The following RELN variants were observed in gnomAD, a reference collection of about 807,000 sequenced individuals.
RELN encodes reelin.
Under a neutral mutation model 427.6 loss-of-function variants are expected in RELN, and 108 were observed. The ratio of observed to expected loss-of-function variants is 0.25; its 90% CI spans 0.22 to 0.30. The LOEUF (loss-of-function observed/expected upper bound fraction) is 0.30. Ranked by LOEUF, RELN falls within the 10% of genes least tolerant of loss-of-function variation. The pLI is 1.00. For synonymous variants in RELN, 1,524 were observed against 1,513.4 expected (o/e 1.01, Z -0.16); for missense variants, 3,715 against 4,302.8 (o/e 0.86, Z 3.82).
intron 20 of RELN, among the ~76,000 whole-genome samples, chr7:103,617,541 T>G (rs1355466181): frequency 6.6e-6 from 1 of 152,004 alleles, no homozygotes; most frequent in Admixed American, 6.6e-5. Flanking sequence ...TATATGTGTA[T>G]ATATGTGTAG....
intron 2 of RELN, among the ~76,000 whole-genome samples, chr7:103,846,722 A>T (rs778224556): frequency 6.6e-6 from 1 of 152,218 alleles, no homozygotes; most frequent in African/African-American, 2.4e-5. Context: ...AACTTAAACA[A>T]ATTTACAAGA....
At chr7:103,905,406 T>C (rs1795181057) in intron 2 of RELN, among the ~76,000 whole-genome samples, 1 of 152,200 alleles carries the variant, frequency 6.6e-6, no homozygotes, top group Admixed American at 6.5e-5. Flanking sequence ...GGACCTCTTT[T>C]CATAAGATTA....
intron 1 of RELN, among the ~76,000 whole-genome samples, chr7:103,926,026 GTAACAAA>G (rs1584373439): frequency 6.7e-6 from 1 of 149,062 alleles, no homozygotes; most frequent in East Asian, 2.0e-4. Flanking sequence ...TTGAACTCAC[GTAACAAA>G]TAACAAAGTA....
At chr7:103,473,724 CTGTTAA>C (rs1217463225) in intron 64 of RELN, among the ~76,000 whole-genome samples, 2 of 152,110 alleles carry the variant, frequency 1.3e-5, no homozygotes, top group East Asian at 3.8e-4. Flanking sequence ...GTAGTGACAG[CTGTTAA>C]TGTTTTGGTA....
chr7:103,837,175 G>C (rs1287572191), intron 2 of RELN, among the ~76,000 whole-genome samples: 2 of 151,950 alleles, frequency 1.3e-5, no homozygotes, highest in Non-Finnish European at 2.9e-5. Context: ...GGCATATCAG[G>C]ATTACTCTTC....
At chr7:103,719,781 A>G (rs542262659) in intron 8 of RELN, among the ~76,000 whole-genome samples, 2 of 152,336 alleles carry the variant, frequency 1.3e-5, no homozygotes, top group Admixed American at 6.5e-5. Flanking sequence ...GGCTACTACC[A>G]TAAATTCCAT....
At chr7:103,704,073 G>A (rs537866528) in intron 8 of RELN, among the ~76,000 whole-genome samples, 1 of 152,280 alleles carries the variant, frequency 6.6e-6, no homozygotes, top group Non-Finnish European at 1.5e-5. Flanking sequence ...CCCCCAGTTT[G>A]GGAGAAGAAA....
intron 16 of RELN, among the ~76,000 whole-genome samples, chr7:103,641,050 T>C (rs1419720997): frequency 1.3e-5 from 2 of 152,198 alleles, no homozygotes; most frequent in Admixed American, 6.6e-5. Context: ...CCGTTACATA[T>C]ATTTCTAAAT....
At position 103,749,511 on chromosome 7, in the gene RELN, G is replaced by C. The variant is rs778619925; in HGVS notation, c.578-7C>G. 1 of 1,596,644 alleles carries C rather than the reference G, an allele frequency of 6.3e-7. No individual in the cohort carries two copies. Among genetic ancestry groups the C allele is most frequent in the African/African-American group, 1.3e-5 (1 of 74,570 alleles). ...CTGTCACTATGTATTTCAGCTAAAA[G>C]AAAAAGGAAGTATTTAGGAAAGAAA... On this transcript the variant is annotated splice_polypyrimidine_tract_variant and splice_region_variant and intron_variant, in intron 5 of 64. Transcript: ENST00000428762.
intron 22 of RELN, among the ~76,000 whole-genome samples, chr7:103,605,496 A>C (rs1035233706): frequency 6.6e-6 from 1 of 152,224 alleles, no homozygotes; most frequent in Admixed American, 6.5e-5. Flanking sequence ...GAGTAATGTC[A>C]AGAAGGTGTC....
intron 37 of RELN, among the ~76,000 whole-genome samples, chr7:103,557,566 T>C (rs1345115482): frequency 6.6e-6 from 1 of 152,198 alleles, no homozygotes; most frequent in East Asian, 1.9e-4. Context: ...AATTATTTAG[T>C]TAATATGAAA....
At chr7:103,727,923 A>C (rs1389340919) in intron 7 of RELN, among the ~76,000 whole-genome samples, 188 bp downstream of exon 7, 1 of 97,948 alleles carries the variant, frequency 1.0e-5, no homozygotes, top group African/African-American at 2.8e-5. Context: ...TTATTACTGA[A>C]TTATTTATTT....
At chr7:103,899,023 TC>T (rs1173124873) in intron 2 of RELN, among the ~76,000 whole-genome samples, 2 of 151,468 alleles carry the variant, frequency 1.3e-5, no homozygotes, top group East Asian at 1.9e-4. Context: ...CAAAACTAGT[TC>T]TAAGATAGAT....
At chr7:103,751,096 T>C (rs1327323338) in intron 5 of RELN, among the ~76,000 whole-genome samples, 1 of 152,210 alleles carries the variant, frequency 6.6e-6, no homozygotes, top group Non-Finnish European at 1.5e-5. Flanking sequence ...ACTTTAACAA[T>C]GCTCTCATCT....
intron 1 of RELN, among the ~76,000 whole-genome samples, chr7:103,985,148 A>G (rs1387786419): frequency 1.3e-5 from 2 of 149,286 alleles, no homozygotes; most frequent in South Asian, 2.1e-4. Flanking sequence ...GTCTCACAGT[A>G]TAATTTTTTT....
intron 2 of RELN, among the ~76,000 whole-genome samples, chr7:103,911,061 C>G (rs201729252): frequency 7.3e-6 from 1 of 137,556 alleles, no homozygotes; most frequent in African/African-American, 3.0e-5. Context: ...TCAGAGTGAA[C>G]AGGCAACCTA....
chr7:103,759,242 T>C (rs925982802), intron 4 of RELN, among the ~76,000 whole-genome samples: 11 of 152,020 alleles, frequency 7.2e-5, no homozygotes, highest in African/African-American at 2.7e-4. Flanking sequence ...TCTGTACTAA[T>C]GCAGATTTGA....
chr7:103,502,630 T>C (rs1454332211), intron 52 of RELN, among the ~76,000 whole-genome samples: 1 of 151,982 alleles, frequency 6.6e-6, no homozygotes, highest in Non-Finnish European at 1.5e-5. Context: ...CCTGGCTCTG[T>C]CTATCATGGA....
intron 8 of RELN, among the ~76,000 whole-genome samples, chr7:103,709,745 G>C (rs942441507): frequency 2.0e-5 from 3 of 152,166 alleles, no homozygotes; most frequent in Non-Finnish European, 4.4e-5. Context: ...ATGTGCATAT[G>C]CTGTAGAATA....
Sources: allele counts gnomAD v4.1 joint callset (sites outside exome capture counted in the v4.1 genomes callset), GRCh38; gene constraint gnomAD v4.1.1; transcripts MANE v1.5; gene names NCBI Gene and HGNC (gene_info 2026-07-23, HGNC 2026-07-21).